Variants in NRG1 observed in about 807,000 individuals in gnomAD.
NRG1 encodes pro-neuregulin-1, membrane-bound isoform.
Under a neutral mutation model 63.8 loss-of-function variants are expected in NRG1, and 18 were observed. The observed-to-expected ratio is 0.28, with a 90% CI of 0.19 to 0.42. The LOEUF is 0.42. Ranked by LOEUF, NRG1 falls within the 10% of genes least tolerant of loss-of-function variation. The probability of loss-of-function intolerance (pLI) is 1.00; values close to 1 mark genes in which losing one functional copy is unlikely to be tolerated. For synonymous variants in NRG1, 302 were observed against 301.3 expected (o/e 1.00, Z -0.02); for missense variants, 762 against 814.7 (o/e 0.94, Z 0.79).
chr8:32,205,886 G>A (rs1207485192), intron 1 of NRG1, among the ~76,000 whole-genome samples: 1 of 150,502 alleles, frequency 6.6e-6, no homozygotes, highest in Non-Finnish European at 1.5e-5. Flanking sequence ...ATCACTTGAG[G>A]CCAGAAGTTT....
At chr8:32,646,771 G>A (rs937205598) in intron 5 of NRG1, 11 of 985,194 alleles carry the variant, frequency 1.1e-5, no homozygotes, top group South Asian at 4.7e-5. Context: ...TGATTTGATG[G>A]CCTTTATTCC....
intron 1 of NRG1, among the ~76,000 whole-genome samples, chr8:32,145,890 A>G (rs1836815783): frequency 6.6e-6 from 1 of 152,140 alleles, no homozygotes; most frequent in Non-Finnish European, 1.5e-5. Context: ...GTTCTTTGTG[A>G]AGTTGTGCTA....
At chr8:32,315,845 CAATT>C (rs1267703602) in intron 1 of NRG1, among the ~76,000 whole-genome samples, 1 of 150,306 alleles carries the variant, frequency 6.7e-6, no homozygotes, top group Non-Finnish European at 1.5e-5. Context: ...ACATACGAAA[CAATT>C]AATGCTTGCC....
chr8:31,873,357 G>A (rs1829650239), intron 1 of NRG1, among the ~76,000 whole-genome samples: 1 of 152,068 alleles, frequency 6.6e-6, no homozygotes, highest in African/African-American at 2.4e-5. Flanking sequence ...TCAGGAGTTC[G>A]AGACCAGCCT....
At chr8:31,737,560 C>T (rs1201417842) in intron 1 of NRG1, among the ~76,000 whole-genome samples, 1 of 152,142 alleles carries the variant, frequency 6.6e-6, no homozygotes, top group East Asian at 1.9e-4. Flanking sequence ...CTGTCTAGCA[C>T]ATTTCTCCAA....
At chr8:31,994,653 C>CAAAA (rs59019886) in intron 1 of NRG1, among the ~76,000 whole-genome samples, 30,687 of 62,454 alleles carry the variant, frequency 0.49, 11,035 homozygotes, top group Non-Finnish European at 0.63. Context: ...TACTCTGTCT[C>CAAAA]AAAAAAAAAA....
rs76327274 is a variant in NRG1, at chr8:31,860,931, C to G, written c.37+221500C>G. Among the ~76,000 whole-genome samples, 669 of 152,220 alleles carry G rather than the reference C, an allele frequency of 4.4e-3. 6 individuals are homozygous for G. Among genetic ancestry groups the G allele is most frequent in the African/African-American group, 0.015 (639 of 41,536 alleles). ...TAGGGTAGGAGAGAAACATTGTTCC[C>G]TGTTTTTCATTTAGAAAGCCGAGAT... On this transcript the variant is annotated intron_variant, in intron 1 of 10. Coordinates refer to the NRG1 transcript ENST00000519301.
chr8:31,752,141 A>G (rs1199855946), intron 1 of NRG1, among the ~76,000 whole-genome samples: 1 of 152,050 alleles, frequency 6.6e-6, no homozygotes, highest in Non-Finnish European at 1.5e-5. Context: ...ACAAGGAGAA[A>G]CAGAATAATC....
intron 11 of NRG1, 97 bp from the exon 12 acceptor site, chr8:32,763,651 T>C (rs1410953869): frequency 9.5e-5 from 120 of 1,261,864 alleles, no homozygotes; most frequent in Non-Finnish European, 7.2e-5. Context: ...TTCTCTGTTC[T>C]CTGATGATAT....
chr8:31,801,015 T>A lies in NRG1; in HGVS notation c.37+161584T>A, dbSNP rs1405192669. 4.7e-5 allele frequency among the ~76,000 whole-genome samples: 3 copies of A among 63,616 alleles called. 1 individual carries two copies. The highest frequency in any genetic ancestry group is 1.4e-4 in the African/African-American group (3 of 21,626). The allele number at this position is 63,616 out of a possible 152,430, so 41.7% of individuals were successfully genotyped here. A position where few individuals can be genotyped will look rare whatever the true frequency, so the allele number is the denominator to read the frequency against. On this transcript the variant is annotated intron_variant, in intron 1 of 10. Coordinates refer to the NRG1 transcript ENST00000519301. ...GACACCACGCCCGCCAATTTTTTTG[T>A]ATTTTTTTTTTTTAGTAGAGACGGG...
intron 1 of NRG1, among the ~76,000 whole-genome samples, chr8:32,062,329 G>T (rs1049544325): frequency 1.3e-5 from 2 of 152,028 alleles, no homozygotes; most frequent in Non-Finnish European, 2.9e-5. Flanking sequence ...GGTTTGTCTT[G>T]CTACTGAATC....
chr8:32,534,218 C>A (rs1328539280), intron 1 of NRG1, among the ~76,000 whole-genome samples: 1 of 151,984 alleles, frequency 6.6e-6, no homozygotes, highest in Non-Finnish European at 1.5e-5. Context: ...ACAGGTAATT[C>A]CACAACCATG....
intron 1 of NRG1, among the ~76,000 whole-genome samples, chr8:32,167,296 C>T (rs893485347): frequency 1.1e-4 from 16 of 152,216 alleles, no homozygotes; most frequent in African/African-American, 2.2e-4. Context: ...CCTCCTGTTA[C>T]GTAAATCAGA....
intron 1 of NRG1, among the ~76,000 whole-genome samples, chr8:31,764,751 T>A (rs1398325230): frequency 1.3e-5 from 2 of 152,160 alleles, no homozygotes; most frequent in African/African-American, 2.4e-5. Flanking sequence ...GATTTTTTTT[T>A]ATTATACTTT....
At chr8:31,803,863 C>T (rs1822028161) in intron 1 of NRG1, among the ~76,000 whole-genome samples, 1 of 152,062 alleles carries the variant, frequency 6.6e-6, no homozygotes, top group South Asian at 2.1e-4. Flanking sequence ...CCTTTCTTTT[C>T]CCCAAAATTG....
At chr8:32,642,853 G>A (rs1391806673) in intron 5 of NRG1, among the ~76,000 whole-genome samples, 1 of 152,192 alleles carries the variant, frequency 6.6e-6, no homozygotes, top group Non-Finnish European at 1.5e-5. Flanking sequence ...GAGAAAATAA[G>A]TGAGTAATAA....
At chr8:32,333,835 T>TA (rs1164173166) in intron 1 of NRG1, among the ~76,000 whole-genome samples, 1 of 152,116 alleles carries the variant, frequency 6.6e-6, no homozygotes, top group South Asian at 2.1e-4. Context: ...GTTCTTCCCA[T>TA]AAAAAAACTA....
At chr8:31,907,158 G>A (rs970977624) in intron 1 of NRG1, among the ~76,000 whole-genome samples, 6 of 152,026 alleles carry the variant, frequency 3.9e-5, no homozygotes, top group Non-Finnish European at 8.8e-5. Flanking sequence ...ATACTCTCCT[G>A]AGTCTCATAA....
chr8:32,019,653 G>C (rs748397603), intron 1 of NRG1, among the ~76,000 whole-genome samples: 3 of 152,120 alleles, frequency 2.0e-5, no homozygotes, highest in African/African-American at 7.2e-5. Flanking sequence ...TAGATGGTTG[G>C]TGTTTTAGTT....
Sources: allele counts gnomAD v4.1 joint callset (sites outside exome capture counted in the v4.1 genomes callset), GRCh38; gene constraint gnomAD v4.1.1; transcripts MANE v1.5; gene names NCBI Gene and HGNC (gene_info 2026-07-23, HGNC 2026-07-21).